TLE2: variants seen among roughly 807,000 people sequenced by gnomAD.
TLE2 encodes the protein transducin-like enhancer protein 2.
Under a neutral mutation model 97.2 loss-of-function variants are expected in TLE2, and 74 were observed. That is an observed-to-expected ratio of 0.76 (90% CI 0.63 to 0.92). The LOEUF is 0.92. TLE2 is among the 40% of genes least tolerant of loss of function. The pLI is 0.00. For synonymous variants in TLE2, 499 were observed against 432.1 expected (o/e 1.15, Z -1.92); for missense variants, 1,038 against 1,008.7 (o/e 1.03, Z -0.39).
rs117401653 is a variant in TLE2, at chr19:3,026,921, C to T, written c.231+908G>A. Among the ~76,000 whole-genome samples, 114 of 152,280 alleles carry T rather than the reference C, an allele frequency of 7.5e-4. 2 individuals are homozygous for T. The East Asian group carries it at 0.021, about 27-fold the overall frequency. ...TCTATCTCTGAACCCTGAGGTCTATCTCAGGACCTTGAGGTCTATCTCAGA... is the reference window on the plus strand; with the variant it reads ...TCTATCTCTGAACCCTGAGGTCTATTTCAGGACCTTGAGGTCTATCTCAGA... On this transcript the variant is annotated intron_variant, in intron 4 of 19. Coordinates refer to ENST00000262953, the MANE Select transcript of TLE2 (RefSeq NM_003260.5).
intron 5 of TLE2, among the ~76,000 whole-genome samples, chr19:3,021,119 G>GTC (rs1568245445): frequency 1.2e-4 from 16 of 138,436 alleles, no homozygotes; most frequent in Non-Finnish European, 2.0e-4. Flanking sequence ...AAAAAAGGGG[G>GTC]GGGGGTGCTG....
intron 14 of TLE2, among the ~76,000 whole-genome samples, chr19:3,007,231 G>A (rs769496634): frequency 1.3e-5 from 2 of 151,982 alleles, no homozygotes; most frequent in African/African-American, 4.8e-5. Context: ...GGGATTACAG[G>A]TGCAGGCCAC....
rs1482661013 is a variant in TLE2 at position 3,029,267 on chromosome 19, C to T, written c.-363G>A. 9.3e-6 allele frequency: 2 copies of T among 215,634 alleles called. No individual in the cohort carries two copies. Among genetic ancestry groups the T allele is most frequent in the Non-Finnish European group, 1.5e-5 (2 of 131,246 alleles). The allele number at this position is 215,634 out of a possible 1,614,324, so 13.4% of individuals were successfully genotyped here. ...GGCCCCGCGCGGAGCCGCCTCCCTC[C>T]GGCGGGGCTCGGCCGGGAGCCGCGG... On this transcript the variant is annotated 5_prime_UTR_variant, in exon 1 of 20. Transcript: ENST00000262953.
At chr19:3,015,285 T>C (rs539374128) in intron 9 of TLE2, among the ~76,000 whole-genome samples, 3 of 152,208 alleles carry the variant, frequency 2.0e-5, no homozygotes, top group African/African-American at 7.2e-5. Context: ...CGTCTGGCAA[T>C]GAGAGGAGGT....
In TLE2 at chr19:3,028,328, A is replaced by G. The variant is rs1202195351; in HGVS notation, c.177T>C (p.His59=). ...TCATAAGTGCCCTCACCATGACATA[A>G]TGTCGCTGCATTTCCGTCTTCTCGC... is the stretch of plus-strand genomic sequence containing the variant. The part of the protein sequence containing the change: ...LASEKTEMQR[H]YVMYYEMSYG... Residue 59 remains histidine, a synonymous_variant, in exon 3 of 20, where the codon CAT becomes CAC. Coordinates refer to ENST00000262953, the MANE Select transcript of TLE2 (RefSeq NM_003260.5). 1 of 1,609,020 alleles carries G rather than the reference A, an allele frequency of 6.2e-7. No homozygotes were observed. Among genetic ancestry groups the G allele is most frequent in the African/African-American group, 1.3e-5 (1 of 74,848 alleles).
At chr19:3,031,342 T>TTG (rs60898410), upstream of TLE2, among the ~76,000 whole-genome samples, 10,747 of 139,514 alleles carry the variant, frequency 0.077, 449 homozygotes, top group East Asian at 0.22. Context: ...AAAGATACAA[T>TTG]TGTGTGTGTG....
upstream of TLE2, among the ~76,000 whole-genome samples, chr19:3,031,853 C>T (rs1259625704): frequency 6.6e-6 from 1 of 151,054 alleles, no homozygotes; most frequent in Non-Finnish European, 1.5e-5. Context: ...TTCTGCCCAC[C>T]CCGTTATTTT....
chr19:3,006,757 C>T (rs2089489033), intron 14 of TLE2, 88 bp from the exon 15 acceptor site: 1 of 1,477,372 alleles, frequency 6.8e-7, no homozygotes, highest in East Asian at 2.3e-5. Flanking sequence ...CTTTGTCCTG[C>T]CTGGCACCCT....
intron 4 of TLE2, among the ~76,000 whole-genome samples, chr19:3,026,088 G>T (rs1157463138): frequency 6.6e-6 from 1 of 152,054 alleles, no homozygotes; most frequent in African/African-American, 2.4e-5. Context: ...CATCCCTTTA[G>T]AAACCACTGG....
intron 1 of TLE2, among the ~76,000 whole-genome samples, chr19:3,041,892 C>A (rs1328944704): frequency 2.0e-5 from 3 of 151,650 alleles, no homozygotes; most frequent in Non-Finnish European, 4.4e-5. Flanking sequence ...CAGCCACGCG[C>A]TCCAGCTGGG....
intron 9 of TLE2, 144 bp from the exon 10 acceptor site, chr19:3,014,758 T>C: frequency 1.3e-6 from 1 of 754,704 alleles, no homozygotes; most frequent in Non-Finnish European, 1.9e-6. Context: ...CGTTTGCTCA[T>C]AGCAGAAGGG....
intron 18 of TLE2, among the ~76,000 whole-genome samples, chr19:3,001,884 A>ACCT (rs1346081524): frequency 1.5e-5 from 2 of 131,312 alleles, no homozygotes; most frequent in East Asian, 2.2e-4. Flanking sequence ...TGCGACCTCC[A>ACCT]CCTCCCGGGT....
rs760816668 is a variant in TLE2, at chr19:3,011,077, C to T, written c.957G>A (p.Ser319=). ...PQDASTPGPS[S]ASHLCQLAAK... is the part of the protein sequence containing the mutation. ...CAGCAAGCTGGCAGAGGTGACTGGC[C>T]GAGCTGGGCCCGGGGGTGGAAGCGT... is the stretch of plus-strand genomic sequence containing the variant. Residue 319 remains serine, a synonymous_variant, in exon 12 of 20, where the codon TCG becomes TCA. Coordinates refer to ENST00000262953, the MANE Select transcript of TLE2 (RefSeq NM_003260.5). The T allele has an allele frequency of 2.5e-6, 4 of 1,608,948 alleles. No homozygotes were observed. Among genetic ancestry groups the T allele is most frequent in the East Asian group, 2.2e-5 (1 of 44,740 alleles).
chr19:3,020,814 G>A (rs578127529), intron 5 of TLE2, among the ~76,000 whole-genome samples: 30 of 152,172 alleles, frequency 2.0e-4, no homozygotes, highest in Admixed American at 3.9e-4. Context: ...AGCCGGGCGC[G>A]GCGGCTCATG....
intron 1 of TLE2, among the ~76,000 whole-genome samples, chr19:3,044,378 A>T (rs1252066084): frequency 6.6e-6 from 1 of 151,912 alleles, no homozygotes; most frequent in Non-Finnish European, 1.5e-5. Flanking sequence ...GGCAGGCAGG[A>T]TTCTACAGGG....
chr19:3,003,557 G>A (rs1351891088), intron 17 of TLE2, among the ~76,000 whole-genome samples: 1 of 152,052 alleles, frequency 6.6e-6, no homozygotes. Context: ...AGAATCGCTT[G>A]AACTTGGGAG....
chr19:3,025,113 G>A, intron 4 of TLE2, 31 bp from the exon 5 acceptor site: 5 of 1,583,532 alleles, frequency 3.2e-6, no homozygotes, highest in Non-Finnish European at 4.3e-6. Flanking sequence ...GAAGCTTGGA[G>A]CGGGGTAGAG....
Position 3,015,707 on chromosome 19 carries a change from G to A in TLE2, c.624C>T (p.Gly208=), listed in dbSNP as rs772079928. The change falls in exon 9 of 20, where the codon GGC becomes GGT. Residue 208 remains glycine (G), a synonymous_variant. Coordinates refer to ENST00000262953, the MANE Select transcript of TLE2 (RefSeq NM_003260.5). The part of the protein sequence containing the change: ...ESLVEEERPS[G]PGGGGKQRAD... Reference sequence around the variant, plus strand: ...CTCTCTGCTTCCCGCCACCACCAGGGCCACTCGGTCGCTCCTCCTCCACGA... The same window carrying A: ...CTCTCTGCTTCCCGCCACCACCAGGACCACTCGGTCGCTCCTCCTCCACGA... 4 of 1,611,534 alleles carry A rather than the reference G, an allele frequency of 2.5e-6. No homozygotes were observed. In the Admixed American group the frequency reaches 6.7e-5, roughly 27 times the overall value.
chr19:3,028,300 GCAT>G lies in TLE2; in HGVS notation c.186+16_186+18del, dbSNP rs1314511597. On this transcript the variant is annotated intron_variant, in intron 3 of 19. Transcript: ENST00000262953. ...CCTGCCCGCCTCTCCCCTCACCCTG[GCAT>G]CATAAGTGCCCTCACCATGACATAA... 2 of 1,601,590 alleles carry G rather than the reference GCAT, an allele frequency of 1.2e-6. No individual in the cohort carries two copies. Among genetic ancestry groups the G allele is most frequent in the South Asian group, 1.1e-5 (1 of 88,914 alleles).
Sources: gnomAD v4.1 joint callset for allele counts (sites outside exome capture counted in the v4.1 genomes callset) on GRCh38, gnomAD v4.1.1 for gene constraint, MANE v1.5 for transcripts, NCBI Gene and HGNC (gene_info 2026-07-23, HGNC 2026-07-21) for gene names.